The following CNTN1 variants were observed in gnomAD, a reference collection of about 807,000 sequenced individuals.
CNTN1 encodes contactin 1, also known as contactin-1.
In CNTN1, 38 loss-of-function variants were observed where a neutral mutation model predicts 126.4. That is an observed-to-expected ratio of 0.30 (90% CI 0.23 to 0.39). CNTN1 has a LOEUF of 0.39. Ranked by LOEUF, CNTN1 falls within the 10% of genes least tolerant of loss-of-function variation. The pLI is 1.00. For missense variants in CNTN1, 1,009 were observed against 1,248.4 expected (o/e 0.81, Z 2.89); for synonymous variants, 413 against 422.6 (o/e 0.98, Z 0.28).
intron 23 of CNTN1, 75 bp from the exon 24 acceptor site, chr12:41,069,884 A>G: frequency 8.3e-7 from 1 of 1,197,744 alleles, no homozygotes. Context: ...ATCTCGCCTT[A>G]GCTGAAGCAG....
chr12:40,983,177 C>A (rs1454021156), intron 16 of CNTN1, among the ~76,000 whole-genome samples: 1 of 152,060 alleles, frequency 6.6e-6, no homozygotes, highest in Non-Finnish European at 1.5e-5. Context: ...CATTATATAT[C>A]TTTTCCAATT....
At chr12:40,748,315 C>T (rs941274744) in intron 1 of CNTN1, among the ~76,000 whole-genome samples, 1 of 152,034 alleles carries the variant, frequency 6.6e-6, no homozygotes, top group African/African-American at 2.4e-5. Flanking sequence ...TCATTAATCC[C>T]TGCAACAAAC....
rs1294780787 is a variant in CNTN1 at position 40,951,714 on chromosome 12, T to TAAAAAAAAAAAAAAAAAA, written c.1684-7400_1684-7399insAAAAAAAAAAAAAAAAAA. 2.5e-5 allele frequency among the ~76,000 whole-genome samples: 2 copies of TAAAAAAAAAAAAAAAAAA among 79,640 alleles called. 1 individual carries two copies. Among genetic ancestry groups the TAAAAAAAAAAAAAAAAAA allele is most frequent in the Non-Finnish European group, 4.4e-5 (2 of 45,722 alleles). 52.2% of individuals were successfully genotyped at this position (79,640 alleles called of 152,430 possible). ...AAAGAGTGAGACTTTGTCTCAAAAT[T>TAAAAAAAAAAAAAAAAAA]TAAAAAAAAAAAAAAAAAAAAAAAA... On this transcript the variant is annotated intron_variant, in intron 14 of 23. Transcript: ENST00000551295.
chr12:40,959,160 A>G lies in CNTN1; in HGVS notation c.1730A>G (p.His577Arg). 1 of 1,612,772 alleles carries G rather than the reference A, an allele frequency of 6.2e-7. No individual in the cohort carries two copies. The highest frequency in any genetic ancestry group is 1.1e-5 in the South Asian group (1 of 91,062). Residue 577 changes from histidine (H) to arginine (R), a missense_variant, in exon 15 of 24, where the codon CAT (histidine) becomes CGT (arginine). Transcript: ENST00000551295. ...ELLIRNAQLK[H>R]AGRYTCTAQT... ...CTAATCCGAAATGCGCAGCTGAAAC[A>G]TGCTGGAAGATACACATGCACTGCC...
chr12:40,740,631 C>G (rs1013351338), intron 1 of CNTN1, among the ~76,000 whole-genome samples: 1 of 152,074 alleles, frequency 6.6e-6, no homozygotes, highest in African/African-American at 2.4e-5. Context: ...AGAGCTTCCT[C>G]TTGTCCCCTC....
intron 1 of CNTN1, among the ~76,000 whole-genome samples, chr12:40,887,111 AT>A (rs1219579918): frequency 6.6e-6 from 1 of 152,014 alleles, no homozygotes; most frequent in Non-Finnish European, 1.5e-5. Context: ...GAAGAAAGTC[AT>A]TGGTAGCTTG....
chr12:41,054,270 A>C (rs1267759434), intron 23 of CNTN1, among the ~76,000 whole-genome samples: 1 of 151,914 alleles, frequency 6.6e-6, no homozygotes, highest in African/African-American at 2.4e-5. Context: ...AAAATAAGGC[A>C]ACTATATTAC....
At chr12:40,959,062 C>A in intron 14 of CNTN1, 52 bp from the exon 15 acceptor site, 1 of 1,609,056 alleles carries the variant, frequency 6.2e-7, no homozygotes, top group Non-Finnish European at 8.5e-7. Context: ...TTAAATGCCA[C>A]ATAATTGGTG....
intron 11 of CNTN1, 53 bp downstream of exon 11, chr12:40,937,740 C>T (rs370578496): frequency 1.8e-5 from 19 of 1,028,814 alleles, no homozygotes; most frequent in East Asian, 1.2e-4. Flanking sequence ...TATGTCATAT[C>T]ACACAAAATG....
At position 40,821,758 on chromosome 12, in the gene CNTN1, CTCTT is replaced by C. The variant is rs542521766; in HGVS notation, c.-76-86594_-76-86591del. On this transcript the variant is annotated intron_variant, in intron 1 of 23. Transcript: ENST00000551295. ...TTTTAATTTTTTTCTTTAATTGAAT[CTCTT>C]TCTTAATGATTGGAGAGATGCTTCA... 1.8e-3 allele frequency among the ~76,000 whole-genome samples: 268 copies of C among 152,062 alleles called. 1 individual carries two copies. Among genetic ancestry groups the C allele is most frequent in the Non-Finnish European group, 3.3e-3 (224 of 67,968 alleles).
intron 1 of CNTN1, among the ~76,000 whole-genome samples, chr12:40,762,522 G>C (rs1400770359): frequency 6.6e-6 from 1 of 152,082 alleles, no homozygotes; most frequent in Non-Finnish European, 1.5e-5. Context: ...TTTTAGATAA[G>C]TAATATGTAC....
At chr12:40,756,864 C>T (rs1010898515) in intron 1 of CNTN1, among the ~76,000 whole-genome samples, 2 of 152,070 alleles carry the variant, frequency 1.3e-5, no homozygotes, top group African/African-American at 4.8e-5. Flanking sequence ...ACTGGACACT[C>T]CTTCTTAGGG....
chr12:40,941,409 A>G (rs1946259413), intron 12 of CNTN1, among the ~76,000 whole-genome samples: 1 of 152,110 alleles, frequency 6.6e-6, no homozygotes, highest in African/African-American at 2.4e-5. Context: ...TTTAAGCATA[A>G]ATATAATCTT....
At chr12:41,039,951 GC>G (rs1949360571) in intron 23 of CNTN1, among the ~76,000 whole-genome samples, 1 of 152,030 alleles carries the variant, frequency 6.6e-6, no homozygotes, top group Non-Finnish European at 1.5e-5. Flanking sequence ...GCTTAAGAAA[GC>G]CCCTGTGGAA....
At chr12:40,966,091 A>G (rs950209582) in intron 15 of CNTN1, among the ~76,000 whole-genome samples, 1 of 151,780 alleles carries the variant, frequency 6.6e-6, no homozygotes, top group African/African-American at 2.4e-5. Flanking sequence ...AGGCAGAAAG[A>G]TCTGGGTCCA....
At chr12:40,949,430 C>G (rs1437440312) in intron 14 of CNTN1, among the ~76,000 whole-genome samples, 12 of 137,968 alleles carry the variant, frequency 8.7e-5, no homozygotes, top group East Asian at 2.3e-4. Flanking sequence ...CCCCCCTCCC[C>G]CCACCCCACA....
chr12:40,769,398 A>G (rs1201213745), intron 1 of CNTN1, among the ~76,000 whole-genome samples: 1 of 152,210 alleles, frequency 6.6e-6, no homozygotes, highest in East Asian at 1.9e-4. Flanking sequence ...ATTATTTTGG[A>G]AACAAGAGCA....
At chr12:40,901,091 C>T (rs550356672) in intron 1 of CNTN1, among the ~76,000 whole-genome samples, 2 of 152,140 alleles carry the variant, frequency 1.3e-5, no homozygotes, top group Non-Finnish European at 2.9e-5. Flanking sequence ...TGTACATTTT[C>T]GTATCTGATC....
chr12:40,844,755 T>C (rs1272656353), intron 1 of CNTN1, among the ~76,000 whole-genome samples: 1 of 152,142 alleles, frequency 6.6e-6, no homozygotes, highest in South Asian at 2.1e-4. Context: ...AAACTAAGTT[T>C]AAAAGCATAA....
Sources: allele counts gnomAD v4.1 joint callset (sites outside exome capture counted in the v4.1 genomes callset), GRCh38; gene constraint gnomAD v4.1.1; transcripts MANE v1.5; gene names NCBI Gene and HGNC (gene_info 2026-07-23, HGNC 2026-07-21).